The following ATRX variants were observed in gnomAD, a reference collection of about 807,000 sequenced individuals.
The protein encoded by ATRX is chromatin remodeler ATRX.
A neutral mutation model predicts 172.6 loss-of-function variants in ATRX; 12 were observed. The ratio of observed to expected loss-of-function variants is 0.07; its 90% CI spans 0.04 to 0.11. The LOEUF (loss-of-function observed/expected upper bound fraction) is 0.11. ATRX is among the 10% of genes least tolerant of loss of function. ATRX has a pLI of 1.00. For synonymous variants in ATRX, 674 were observed against 594.7 expected (o/e 1.13, Z -1.94); for missense variants, 1,368 against 1,767.4 (o/e 0.77, Z 4.05).
intron 12 of ATRX, among the ~76,000 whole-genome samples, chrX:77,657,632 A>T (rs1247883393): frequency 1.8e-5 from 2 of 111,738 alleles, no homozygotes; most frequent in Non-Finnish European, 3.8e-5. Flanking sequence ...ATAAATAAAT[A>T]GGGGAAAACA....
Position 77,628,039 on chromosome X carries a change from CA to C in ATRX, c.5134+5167del, listed in dbSNP as rs1402436005. 8.0e-5 allele frequency among the ~76,000 whole-genome samples: 9 copies of C among 112,105 alleles called. No homozygotes were observed. The East Asian group carries it at 2.5e-3, about 31-fold the overall frequency. ...CAGAAACTACAGGGGGAATGGCAGC[CA>C]TGAGGCTCTGGAGAGCAGAAGAACA... On this transcript the variant is annotated intron_variant, in intron 19 of 34. Transcript: ENST00000373344.
Position 77,682,409 on chromosome X carries a change from G to C in ATRX, c.2847C>G (p.Leu949=), listed in dbSNP as rs2071265962. 8 of 1,209,315 alleles carry C rather than the reference G, an allele frequency of 6.6e-6. No homozygotes were observed. The highest frequency in any genetic ancestry group is 2.2e-5 in the Admixed American group (1 of 45,665). ...VAETKEKSKH[L]KTKTCKKVQD... ...GTACTTTTTTACATGTTTTGGTTTT[G>C]AGATGCTTGCTCTTTTCTTTAGTTT... Residue 949 remains leucine, a synonymous_variant, in exon 9 of 35, where the codon CTC becomes CTG. Transcript: ENST00000373344.
At chrX:77,573,417 A>AT (rs1421715477) in intron 28 of ATRX, among the ~76,000 whole-genome samples, 2 of 111,755 alleles carry the variant, frequency 1.8e-5, no homozygotes, top group African/African-American at 6.5e-5. Flanking sequence ...TAAGCAACAT[A>AT]TGACTATATA....
chrX:77,736,573 T>A (rs1557179231), intron 1 of ATRX, among the ~76,000 whole-genome samples: 1 of 112,415 alleles, frequency 8.9e-6, no homozygotes, highest in Non-Finnish European at 1.9e-5. Context: ...ATAACAAATG[T>A]TGGCAATGAT....
chrX:77,511,712 A>G (rs1237747442), intron 34 of ATRX, among the ~76,000 whole-genome samples: 1 of 112,064 alleles, frequency 8.9e-6, no homozygotes, highest in Non-Finnish European at 1.9e-5. Flanking sequence ...AGCAGAACCG[A>G]TCAAGGAGAA....
chrX:77,515,110 T>C (rs553495058), intron 34 of ATRX, among the ~76,000 whole-genome samples: 3 of 111,142 alleles, frequency 2.7e-5, no homozygotes, highest in African/African-American at 9.8e-5. Context: ...AAGATGCTGG[T>C]GAGGTTGTAG....
chrX:77,716,981 C>A, intron 2 of ATRX, 150 bp downstream of exon 2: 1 of 461,333 alleles, frequency 2.2e-6, no homozygotes, highest in Non-Finnish European at 3.7e-6. Flanking sequence ...ATAATAGGGG[C>A]TTCTATAAAG....
intron 1 of ATRX, among the ~76,000 whole-genome samples, chrX:77,737,891 C>T (rs1298833840): frequency 8.9e-6 from 1 of 111,763 alleles, no homozygotes; most frequent in East Asian, 2.8e-4. Flanking sequence ...AAAGGGTCCA[C>T]ATGTCTTTGG....
chrX:77,600,039 A>G (rs189930018), intron 23 of ATRX, among the ~76,000 whole-genome samples: 4 of 111,610 alleles, frequency 3.6e-5, no homozygotes, highest in African/African-American at 1.3e-4. Context: ...GACATAAGTA[A>G]AAACATTGAA....
At chrX:77,696,750 T>C in intron 4 of ATRX, 46 bp from the exon 5 acceptor site, 1 of 1,143,223 alleles carries the variant, frequency 8.7e-7, no homozygotes, top group South Asian at 1.8e-5. Context: ...TTCTGACAAC[T>C]GGAACAATAC....
At chrX:77,620,926 TA>T (rs1419139927) in intron 19 of ATRX, among the ~76,000 whole-genome samples, 1 of 112,275 alleles carries the variant, frequency 8.9e-6, no homozygotes, top group Non-Finnish European at 1.9e-5. Flanking sequence ...CAGCAAAGAC[TA>T]AGAGCAATGT....
intron 1 of ATRX, among the ~76,000 whole-genome samples, chrX:77,780,757 A>G (rs782789347): frequency 2.7e-5 from 3 of 109,964 alleles, no homozygotes; most frequent in Non-Finnish European, 5.7e-5. Flanking sequence ...ACTGGGCAAC[A>G]AAGTGAGACC....
At chrX:77,769,004 C>A (rs971731365) in intron 1 of ATRX, among the ~76,000 whole-genome samples, 1 of 110,722 alleles carries the variant, frequency 9.0e-6, no homozygotes, top group African/African-American at 3.3e-5. Flanking sequence ...CAATTTTTAC[C>A]CCAAAGGAAG....
At chrX:77,725,193 G>A (rs1557171877) in intron 1 of ATRX, among the ~76,000 whole-genome samples, 1 of 111,305 alleles carries the variant, frequency 9.0e-6, no homozygotes. Flanking sequence ...AACAAAGCTG[G>A]AGGCATCACG....
intron 26 of ATRX, among the ~76,000 whole-genome samples, chrX:77,590,582 A>T (rs954674331): frequency 9.8e-5 from 10 of 101,577 alleles, no homozygotes; most frequent in Non-Finnish European, 8.0e-5. Context: ...ACTGCACTCC[A>T]GCTTGGGTGA....
intron 30 of ATRX, among the ~76,000 whole-genome samples, chrX:77,528,168 G>A (rs1177875164): frequency 9.1e-6 from 1 of 110,216 alleles, no homozygotes; most frequent in Admixed American, 9.6e-5. Flanking sequence ...AAGGCACAGC[G>A]CAGCTGCCTT....
At chrX:77,636,807 A>G (rs1308097143) in intron 15 of ATRX, among the ~76,000 whole-genome samples, 9 of 105,653 alleles carry the variant, frequency 8.5e-5, no homozygotes, top group Non-Finnish European at 1.6e-4. Context: ...GAGAAGGAAG[A>G]AGGAGGAGGA....
intron 19 of ATRX, among the ~76,000 whole-genome samples, chrX:77,625,603 C>A (rs910747435): frequency 8.9e-6 from 1 of 112,254 alleles, no homozygotes; most frequent in Non-Finnish European, 1.9e-5. Flanking sequence ...ACAGACAATT[C>A]TCAAAAGAAG....
intron 20 of ATRX, 80 bp from the exon 21 acceptor site, chrX:77,619,061 T>A: frequency 1.5e-6 from 1 of 671,985 alleles, no homozygotes; most frequent in Non-Finnish European, 2.3e-6. Context: ...GAAATGCTCA[T>A]GTCAAAAACA....
Sources: allele counts gnomAD v4.1 joint callset (sites outside exome capture counted in the v4.1 genomes callset), GRCh38; gene constraint gnomAD v4.1.1; transcripts MANE v1.5; gene names NCBI Gene and HGNC (gene_info 2026-07-23, HGNC 2026-07-21).